The following MED27 variants were observed in gnomAD, a reference collection of about 807,000 sequenced individuals.
MED27 encodes the protein mediator of RNA polymerase II transcription subunit 27.
Under a neutral mutation model 38.2 loss-of-function variants are expected in MED27, and 30 were observed. The observed-to-expected ratio is 0.79, with a 90% CI of 0.59 to 1.07. MED27 has a LOEUF of 1.07. Ranked by LOEUF, MED27 falls within the 50% of genes least tolerant of loss-of-function variation. The probability of loss-of-function intolerance (pLI) is 0.00; values close to 1 mark genes in which losing one functional copy is unlikely to be tolerated. For synonymous variants in MED27, 122 were observed against 153.5 expected, an observed-to-expected ratio of 0.79 and a Z score of 1.52; for missense variants, 289 against 397.5, an observed-to-expected ratio of 0.73 and a Z score of 2.32.
In MED27 at chr9:131,913,755, C is replaced by A. The variant is rs1830232440; in HGVS notation, c.574-19763G>T. Among the ~76,000 whole-genome samples, 1 of 152,166 alleles carries A rather than the reference C, an allele frequency of 6.6e-6. No homozygotes were observed. Among genetic ancestry groups the A allele is most frequent in the Admixed American group, 6.5e-5 (1 of 15,282 alleles). ...CTCCATCTGAACCAGATACCCGAGC[C>A]TGCCTCCCGCTTTACCCCATCAATT... is the stretch of plus-strand genomic sequence containing the variant. On this transcript the variant is annotated intron_variant, in intron 4 of 7. Transcript: ENST00000292035. The surrounding 1 kb of genome is among the most constrained non-coding windows in gnomAD (Gnocchi z 4.5).
chr9:131,920,307 T>C (rs771381188), intron 4 of MED27, among the ~76,000 whole-genome samples: 6 of 152,204 alleles, frequency 3.9e-5, no homozygotes, highest in Non-Finnish European at 5.9e-5. Context: ...AAAACCAGGA[T>C]TGCACAGTCT....
intron 3 of MED27, among the ~76,000 whole-genome samples, chr9:132,013,903 T>TA (rs1832536179): frequency 6.6e-6 from 1 of 152,092 alleles, no homozygotes; most frequent in Non-Finnish European, 1.5e-5. Flanking sequence ...GATGCCTTTT[T>TA]AAAAGAAAGA....
intron 2 of MED27, among the ~76,000 whole-genome samples, chr9:132,029,343 T>C (rs1004632505): frequency 7.9e-5 from 12 of 152,246 alleles, no homozygotes; most frequent in African/African-American, 2.7e-4. Flanking sequence ...GATTGATAAG[T>C]ATACTTTTTA....
intron 4 of MED27, among the ~76,000 whole-genome samples, chr9:131,901,381 C>T (rs1489179591): frequency 1.3e-5 from 2 of 152,104 alleles, no homozygotes; most frequent in African/African-American, 4.8e-5. Flanking sequence ...TCTAACTCTC[C>T]CATGTCTAAA....
intron 2 of MED27, among the ~76,000 whole-genome samples, chr9:132,021,027 A>G (rs1832706025): frequency 6.6e-6 from 1 of 152,200 alleles, no homozygotes; most frequent in South Asian, 2.1e-4. Context: ...AGGACAGCAA[A>G]TCAGGGCTGC....
At chr9:131,959,361 C>A (rs1385022288) in intron 3 of MED27, among the ~76,000 whole-genome samples, 1 of 152,218 alleles carries the variant, frequency 6.6e-6, no homozygotes. Flanking sequence ...TAACTCAGTA[C>A]ATTGAACTCT....
intron 2 of MED27, among the ~76,000 whole-genome samples, chr9:132,031,235 G>C (rs1020936371): frequency 1.3e-5 from 2 of 152,186 alleles, no homozygotes; most frequent in Non-Finnish European, 2.9e-5. Context: ...AAAACAGGTG[G>C]ATAAATCTGC....
At chr9:132,001,915 G>A (rs543873279) in intron 3 of MED27, among the ~76,000 whole-genome samples, 1 of 152,302 alleles carries the variant, frequency 6.6e-6, no homozygotes, top group African/African-American at 2.4e-5. Flanking sequence ...AAATATGGAT[G>A]ACTGGGCCTC....
At chr9:131,900,535 C>G (rs1344782068) in intron 4 of MED27, among the ~76,000 whole-genome samples, 1 of 152,116 alleles carries the variant, frequency 6.6e-6, no homozygotes, top group Non-Finnish European at 1.5e-5. Flanking sequence ...ATGATCTTCC[C>G]CCAGAACTCG....
At chr9:132,024,369 C>T (rs1832775065) in intron 2 of MED27, among the ~76,000 whole-genome samples, 1 of 152,106 alleles carries the variant, frequency 6.6e-6, no homozygotes, top group African/African-American at 2.4e-5. Context: ...ATAATGTGTG[C>T]AAAAGCCTTA....
intron 3 of MED27, among the ~76,000 whole-genome samples, chr9:132,002,384 G>A (rs1256851283): frequency 6.6e-6 from 1 of 152,154 alleles, no homozygotes; most frequent in Non-Finnish European, 1.5e-5. Flanking sequence ...GTACAACTAG[G>A]ATAAAATCTG....
chr9:131,988,572 C>T (rs893895312), intron 3 of MED27, among the ~76,000 whole-genome samples: 1 of 152,138 alleles, frequency 6.6e-6, no homozygotes, highest in Non-Finnish European at 1.5e-5. Flanking sequence ...CTCTGGCTTA[C>T]TTTATTGTAA....
intron 2 of MED27, among the ~76,000 whole-genome samples, chr9:132,039,579 A>G (rs1182346070): frequency 6.6e-6 from 1 of 152,222 alleles, no homozygotes; most frequent in Non-Finnish European, 1.5e-5. Flanking sequence ...CCACTGAGCT[A>G]AATTCACCGC....
At chr9:131,936,925 G>GTGCA (rs1830696456) in intron 4 of MED27, among the ~76,000 whole-genome samples, 2 of 152,202 alleles carry the variant, frequency 1.3e-5, no homozygotes, top group African/African-American at 4.8e-5. Flanking sequence ...GACTGCTCAA[G>GTGCA]TGCACCCTGC....
At chr9:131,892,092 T>C (rs920786731) in intron 5 of MED27, among the ~76,000 whole-genome samples, 6 of 152,016 alleles carry the variant, frequency 3.9e-5, no homozygotes, top group Admixed American at 3.3e-4. Context: ...AAACAAATCA[T>C]GAGTGATCCT....
At chr9:132,032,289 T>C (rs772918316) in intron 2 of MED27, 1 of 152,232 alleles carries the variant, frequency 6.6e-6, no homozygotes, top group Non-Finnish European at 1.5e-5. Flanking sequence ...TAGGCTCCTT[T>C]TTATAGGTTC....
At chr9:132,008,928 A>C (rs1189930964) in intron 3 of MED27, among the ~76,000 whole-genome samples, 1 of 152,226 alleles carries the variant, frequency 6.6e-6, no homozygotes, top group African/African-American at 2.4e-5. Flanking sequence ...GAAAGCATCT[A>C]GCATTCTCAA....
At chr9:131,903,593 T>A (rs1245221188) in intron 4 of MED27, among the ~76,000 whole-genome samples, 2 of 152,218 alleles carry the variant, frequency 1.3e-5, no homozygotes, top group Non-Finnish European at 2.9e-5. Context: ...CACATGCACC[T>A]GGGCTTTCTT....
At chr9:131,924,042 G>C (rs138066876) in intron 4 of MED27, among the ~76,000 whole-genome samples, 1 of 152,142 alleles carries the variant, frequency 6.6e-6, no homozygotes, top group Admixed American at 6.5e-5. Flanking sequence ...CAGGCATTTC[G>C]GCTATTTCCA....
Sources: gnomAD v4.1 joint callset for allele counts (sites outside exome capture counted in the v4.1 genomes callset) on GRCh38, gnomAD v4.1.1 for gene constraint, Gnocchi (gnomAD v3.1) non-coding constraint, MANE v1.5 for transcripts, NCBI Gene and HGNC (gene_info 2026-07-23, HGNC 2026-07-21) for gene names.